Variants in PPP3CC observed in about 807,000 individuals in gnomAD.
PPP3CC encodes protein phosphatase 3 catalytic subunit gamma, also known as serine/threonine-protein phosphatase 2B catalytic subunit gamma isoform.
PPP3CC carries 35 observed loss-of-function variants against 60.3 expected under a neutral mutation model. The ratio of observed to expected loss-of-function variants is 0.58; its 90% CI spans 0.44 to 0.77. The LOEUF (loss-of-function observed/expected upper bound fraction) is 0.77. Among genes scored for constraint, PPP3CC ranks in the 30% least tolerant of loss-of-function variants. The pLI, the probability that PPP3CC is intolerant of heterozygous loss-of-function variation, is 0.00. For missense variants in PPP3CC, 570 were observed against 628.9 expected (o/e 0.91, Z 1.00); for synonymous variants, 206 against 224.3 (o/e 0.92, Z 0.73).
chr8:22,526,351 A>G (rs1049190924), intron 8 of PPP3CC, among the ~76,000 whole-genome samples: 5 of 152,176 alleles, frequency 3.3e-5, no homozygotes, highest in Non-Finnish European at 7.3e-5. Context: ...CTGGGTAGAA[A>G]TTGAGGGAGT....
intron 10 of PPP3CC, 27 bp from the exon 11 acceptor site, chr8:22,532,198 A>G: frequency 6.4e-7 from 1 of 1,551,872 alleles, no homozygotes; most frequent in Non-Finnish European, 8.9e-7. Context: ...CATCCCTTTA[A>G]CTTACTTATT....
chr8:22,539,371 C>A, intron 12 of PPP3CC, 98 bp from the exon 13 acceptor site: 1 of 1,272,926 alleles, frequency 7.9e-7, no homozygotes, highest in Non-Finnish European at 1.1e-6. Flanking sequence ...GGCTAAAAAA[C>A]GGGCCCCTGG....
At chr8:22,464,967 A>G (rs184123340) in intron 1 of PPP3CC, among the ~76,000 whole-genome samples, 2 of 150,282 alleles carry the variant, frequency 1.3e-5, no homozygotes, top group East Asian at 3.9e-4. Flanking sequence ...GAGAGACATT[A>G]GACTCTCCCT....
intron 3 of PPP3CC, among the ~76,000 whole-genome samples, chr8:22,497,437 A>G (rs1168484400): frequency 4.0e-5 from 6 of 151,828 alleles, no homozygotes; most frequent in African/African-American, 7.3e-5. Context: ...AGCTGGAACC[A>G]TATGTGTGCC....
intron 10 of PPP3CC, among the ~76,000 whole-genome samples, chr8:22,530,640 G>A (rs1048586276): frequency 1.1e-4 from 17 of 151,580 alleles, no homozygotes; most frequent in Non-Finnish European, 2.4e-4. Flanking sequence ...ACACCATGCT[G>A]GCCAACATGG....
chr8:22,540,724 T>C lies in PPP3CC; in HGVS notation c.1461T>C (p.Gly487=). The change falls in exon 14 of 14, where the codon GGT becomes GGC. Residue 487 remains glycine, a synonymous_variant. Coordinates refer to ENST00000240139, the MANE Select transcript of PPP3CC (RefSeq NM_005605.5). Reference sequence around the variant, plus strand: ...CCCGAAAGGATAGCATACACGCTGGTGGGCCAATGAAATCTGTAACCTCAG... The same window carrying C: ...CCCGAAAGGATAGCATACACGCTGGCGGGCCAATGAAATCTGTAACCTCAG... The part of the protein sequence containing the change: ...MPPRKDSIHA[G]GPMKSVTSAH... 6.2e-7 allele frequency: 1 copy of C among 1,614,126 alleles called. No individual in the cohort carries two copies. The highest frequency in any genetic ancestry group is 8.5e-7 in the Non-Finnish European group (1 of 1,180,020).
chr8:22,481,003 C>T (rs919855011), intron 3 of PPP3CC, among the ~76,000 whole-genome samples: 2 of 152,208 alleles, frequency 1.3e-5, no homozygotes, highest in Non-Finnish European at 2.9e-5. Context: ...AGGCTCAGAA[C>T]ATCTGATCAA....
chr8:22,537,067 C>A (rs1405153392), intron 12 of PPP3CC, among the ~76,000 whole-genome samples: 1 of 152,150 alleles, frequency 6.6e-6, no homozygotes, highest in Admixed American at 6.5e-5. Context: ...TAAAACAGAT[C>A]AGTTATAAAT....
intron 12 of PPP3CC, among the ~76,000 whole-genome samples, chr8:22,537,141 TC>T (rs1839861506): frequency 6.6e-6 from 1 of 152,102 alleles, no homozygotes; most frequent in Non-Finnish European, 1.5e-5. Flanking sequence ...TGAAAAGACA[TC>T]CCACAGAATG....
chr8:22,441,373 G>T lies in PPP3CC; in HGVS notation c.-37G>T. ...GCGGCCGCGGCGTAGGCGCACGTCCGGCGGGCTCCTGGAGCCTGGAGGAGG... is the reference window on the plus strand; with the variant it reads ...GCGGCCGCGGCGTAGGCGCACGTCCTGCGGGCTCCTGGAGCCTGGAGGAGG... On this transcript the variant is annotated 5_prime_UTR_variant, in exon 1 of 14. Transcript: ENST00000240139. The T allele has an allele frequency of 6.6e-7, 1 of 1,516,374 alleles. No homozygotes were observed. The highest frequency in any genetic ancestry group is 2.7e-5 in the East Asian group (1 of 37,430). 93.9% of individuals were successfully genotyped at this position (1,516,374 alleles called of 1,614,324 possible).
intron 4 of PPP3CC, among the ~76,000 whole-genome samples, chr8:22,510,182 C>CAAAAAAAAAAA (rs71546815): frequency 1.1e-5 from 1 of 88,274 alleles, no homozygotes; most frequent in Non-Finnish European, 2.2e-5. Context: ...GACTCCGTCT[C>CAAAAAAAAAAA]AAAAAAAAAA....
intron 1 of PPP3CC, 22 bp from the exon 2 acceptor site, chr8:22,474,932 T>A (rs1290564389): frequency 7.3e-7 from 1 of 1,364,670 alleles, no homozygotes; most frequent in South Asian, 1.6e-5. Flanking sequence ...TATTTTAAAT[T>A]ATTATTATTA....
At chr8:22,509,358 G>T (rs1336765701) in intron 4 of PPP3CC, among the ~76,000 whole-genome samples, 2 of 152,110 alleles carry the variant, frequency 1.3e-5, no homozygotes, top group African/African-American at 4.8e-5. Flanking sequence ...TGACTCACTC[G>T]ATACAGCTTT....
chr8:22,533,779 C>G (rs1008139534), intron 12 of PPP3CC, among the ~76,000 whole-genome samples: 10 of 152,128 alleles, frequency 6.6e-5, no homozygotes, highest in Admixed American at 2.6e-4. Context: ...GAACCGAGAT[C>G]GCGCCACTGC....
intron 12 of PPP3CC, among the ~76,000 whole-genome samples, chr8:22,533,549 G>A (rs1207367954): frequency 6.6e-6 from 1 of 152,246 alleles, no homozygotes; most frequent in African/African-American, 2.4e-5. Flanking sequence ...AATAGGCCTG[G>A]CACAGTGGCT....
At chr8:22,449,902 T>G (rs1403825335) in intron 1 of PPP3CC, among the ~76,000 whole-genome samples, 2 of 150,392 alleles carry the variant, frequency 1.3e-5, no homozygotes, top group African/African-American at 4.9e-5. Context: ...AGAGTCTCGC[T>G]GTCGCCCGGG....
intron 8 of PPP3CC, among the ~76,000 whole-genome samples, chr8:22,525,366 G>C (rs1426178292): frequency 6.6e-6 from 1 of 151,986 alleles, no homozygotes; most frequent in Admixed American, 6.6e-5. Context: ...CTGAAAAAGG[G>C]AACTCTATTA....
chr8:22,482,632 A>G (rs955714396), intron 3 of PPP3CC, among the ~76,000 whole-genome samples: 1 of 152,102 alleles, frequency 6.6e-6, no homozygotes, highest in Non-Finnish European at 1.5e-5. Context: ...TGAATGAAGC[A>G]TATAAAAGTT....
intron 4 of PPP3CC, among the ~76,000 whole-genome samples, chr8:22,505,028 T>TA (rs1174077927): frequency 7.0e-6 from 1 of 143,738 alleles, no homozygotes; most frequent in Admixed American, 6.8e-5. Flanking sequence ...GAACCTATTT[T>TA]TTTTTTTTTT....
Sources: gnomAD v4.1 joint callset for allele counts (sites outside exome capture counted in the v4.1 genomes callset) on GRCh38, gnomAD v4.1.1 for gene constraint, MANE v1.5 for transcripts, NCBI Gene and HGNC (gene_info 2026-07-23, HGNC 2026-07-21) for gene names.